DSC3: variants seen among roughly 807,000 people sequenced by gnomAD.
The protein encoded by DSC3 is desmocollin 3, also known as desmocollin-3.
In DSC3, 97 loss-of-function variants were observed where a neutral mutation model predicts 89.5. The ratio of observed to expected loss-of-function variants is 1.08; its 90% CI spans 0.92 to 1.28. The LOEUF is 1.28. Among genes scored for constraint, DSC3 ranks in the 50% most tolerant of loss-of-function variants. The pLI, the probability that DSC3 is intolerant of heterozygous loss-of-function variation, is 0.00. For synonymous variants in DSC3, 436 were observed against 384.1 expected (o/e 1.14, Z -1.58); for missense variants, 1,199 against 1,085.3 (o/e 1.10, Z -1.47).
intron 11 of DSC3, 86 bp downstream of exon 11, chr18:31,007,930 T>TAC: frequency 7.9e-7 from 1 of 1,258,214 alleles, no homozygotes; most frequent in Non-Finnish European, 1.1e-6. Flanking sequence ...TCCATACACT[T>TAC]ACCACCAAAA....
At position 31,018,687 on chromosome 18, in the gene DSC3, T is replaced by C. The variant is rs1222360749; in HGVS notation, c.1056A>G (p.Ala352=). 1.2e-6 allele frequency: 2 copies of C among 1,613,284 alleles called. No individual in the cohort carries two copies. The highest frequency in any genetic ancestry group is 2.2e-5 in the East Asian group (1 of 44,842). ...IITVTDSNDN[A]PTFRQNAYEA... The stretch of plus-strand genomic sequence containing the variant: ...TTACAGCATTTTGTCTGAAAGTGGG[T>C]GCATTATCATTTGAATCTGTTACTG... Residue 352 remains alanine, a synonymous_variant, in exon 8 of 16, where the codon GCA becomes GCG. Transcript: ENST00000360428.
intron 13 of DSC3, 109 bp downstream of exon 13, chr18:31,004,033 A>C (rs1984751458): frequency 1.2e-6 from 1 of 823,018 alleles, no homozygotes; most frequent in Non-Finnish European, 1.9e-6. Context: ...GAACTTGGAA[A>C]GAGACTCACA....
intron 9 of DSC3, among the ~76,000 whole-genome samples, chr18:31,010,371 A>G (rs553239387): frequency 1.3e-5 from 2 of 152,300 alleles, no homozygotes; most frequent in East Asian, 3.9e-4. Flanking sequence ...TGAGAAATGG[A>G]TGGAAATTTA....
intron 1 of DSC3, among the ~76,000 whole-genome samples, chr18:31,037,876 G>T (rs150816573): frequency 6.6e-6 from 1 of 150,406 alleles, no homozygotes; most frequent in East Asian, 1.9e-4. Context: ...CCAGCCTGGG[G>T]AACAGAGCAA....
At chr18:31,002,697 C>T (rs1211776892) in intron 13 of DSC3, among the ~76,000 whole-genome samples, 47 of 117,714 alleles carry the variant, frequency 4.0e-4, no homozygotes, top group Non-Finnish European at 1.0e-4. Flanking sequence ...CAAAACTCTG[C>T]CTCAAAAAAA....
chr18:31,005,002 A>C lies in DSC3; in HGVS notation c.1889-636T>G, dbSNP rs8099069. On this transcript the variant is annotated intron_variant, in intron 12 of 15. Transcript: ENST00000360428. Reference sequence around the variant, plus strand: ...ATGACCATATTGTCAACTAACCAAAAGCTCCACAGAATTTCAATGGCAGTT... The same window carrying C: ...ATGACCATATTGTCAACTAACCAAACGCTCCACAGAATTTCAATGGCAGTT... Among the ~76,000 whole-genome samples the C allele has an allele frequency of 3.9e-3, 600 of 152,318 alleles. 9 individuals are homozygous for C. Among genetic ancestry groups the C allele is most frequent in the African/African-American group, 0.013 (557 of 41,574 alleles).
chr18:31,010,198 C>T (rs1985010775), intron 9 of DSC3, among the ~76,000 whole-genome samples: 1 of 152,164 alleles, frequency 6.6e-6, no homozygotes, highest in Admixed American at 6.5e-5. Context: ...TTAGAATCTA[C>T]AAAACATATG....
At chr18:31,037,915 A>G (rs1465035920) in intron 1 of DSC3, among the ~76,000 whole-genome samples, 1 of 152,072 alleles carries the variant, frequency 6.6e-6, no homozygotes, top group African/African-American at 2.4e-5. Context: ...AAAAAAGTTC[A>G]TTCTCTACAT....
intron 14 of DSC3, among the ~76,000 whole-genome samples, chr18:30,999,113 T>C (rs115452676): frequency 2.3e-3 from 348 of 152,296 alleles, no homozygotes; most frequent in African/African-American, 8.0e-3. Context: ...AGAAGTTTAG[T>C]TACAGTGGTA....
intron 14 of DSC3, among the ~76,000 whole-genome samples, chr18:30,999,221 T>G (rs542771023): frequency 1.1e-4 from 16 of 152,244 alleles, no homozygotes; most frequent in African/African-American, 3.6e-4. Context: ...TCCTATCAAT[T>G]TAAATTTTTT....
intron 9 of DSC3, among the ~76,000 whole-genome samples, chr18:31,015,363 G>A (rs1201273526): frequency 6.6e-6 from 1 of 152,118 alleles, no homozygotes; most frequent in Admixed American, 6.5e-5. Context: ...TATGATATAG[G>A]TTATAACTTC....
At chr18:31,023,150 A>G (rs1291097720) in intron 6 of DSC3, among the ~76,000 whole-genome samples, 2 of 152,132 alleles carry the variant, frequency 1.3e-5, no homozygotes, top group Non-Finnish European at 2.9e-5. Context: ...CTCCTCAAGA[A>G]AGCCTGAAAC....
At chr18:31,027,212 G>A (rs373215449) in intron 4 of DSC3, among the ~76,000 whole-genome samples, 56 of 152,112 alleles carry the variant, frequency 3.7e-4, no homozygotes, top group African/African-American at 1.2e-3. Flanking sequence ...ATATTCAAAC[G>A]AAAATAAACC....
chr18:30,998,007 T>C (rs1277041508), intron 14 of DSC3, among the ~76,000 whole-genome samples: 2 of 152,204 alleles, frequency 1.3e-5, no homozygotes, highest in African/African-American at 4.8e-5. Context: ...TAAAGATCTA[T>C]ATGCTATGCT....
chr18:31,013,552 T>C (rs569238016), intron 9 of DSC3, among the ~76,000 whole-genome samples: 2 of 152,192 alleles, frequency 1.3e-5, no homozygotes, highest in Non-Finnish European at 1.5e-5. Context: ...CAAAAATATT[T>C]CCTTCCGTAA....
intron 3 of DSC3, 83 bp downstream of exon 3, chr18:31,030,890 T>C: frequency 7.9e-7 from 1 of 1,267,068 alleles, no homozygotes; most frequent in Middle Eastern, 2.5e-4. Flanking sequence ...AAATACCCTA[T>C]TTATCCTTGT....
At chr18:31,042,557 C>T in intron 1 of DSC3, 35 bp downstream of exon 1, 3 of 1,545,382 alleles carry the variant, frequency 1.9e-6, no homozygotes, top group Non-Finnish European at 2.6e-6. Context: ...CACCCCCGTC[C>T]CCACCCCAGC....
rs1984915375 is a variant in DSC3, at chr18:31,008,043, T to C, written c.1636A>G (p.Asn546Asp). 6.2e-7 allele frequency: 1 copy of C among 1,613,402 alleles called. No homozygotes were observed. The highest frequency in any genetic ancestry group is 8.5e-7 in the Non-Finnish European group (1 of 1,179,632). The stretch of plus-strand genomic sequence containing the variant: ...TTGTCTATTGCCAGGACTGTAATAT[T>C]ATACAACTCATTTTTGGGAGTTTCA... ...EVETPKNELY[N>D]ITVLAIDKDD... Residue 546 changes from asparagine (N) to aspartate (D), a missense_variant, in exon 11 of 16, where the codon AAT (asparagine) becomes GAT (aspartate). Physicochemically the swap from Asn to Asp is conservative, Grantham distance 23 (BLOSUM62 1). Coordinates refer to ENST00000360428, the MANE Select transcript of DSC3 (RefSeq NM_001941.5).
In DSC3 at chr18:30,997,313, C is replaced by G. The variant is rs1313577; in HGVS notation, c.2236-265G>C. On this transcript the variant is annotated intron_variant, in intron 14 of 15. Coordinates refer to ENST00000360428, the MANE Select transcript of DSC3 (RefSeq NM_001941.5). ...TTATGAAGTCTGGGAAGTCCAAGAT[C>G]AAGGAGTTCACATTTGGCGAGGGCC... Among the ~76,000 whole-genome samples the G allele has an allele frequency of 0.26, 39,426 of 151,952 alleles. 5,743 individuals carry two copies. Among genetic ancestry groups the G allele is most frequent in the East Asian group, 0.61 (3,114 of 5,136 alleles).
Sources: gnomAD v4.1 joint callset for allele counts (sites outside exome capture counted in the v4.1 genomes callset) on GRCh38, gnomAD v4.1.1 for gene constraint, MANE v1.5 for transcripts, NCBI Gene and HGNC (gene_info 2026-07-23, HGNC 2026-07-21) for gene names.